LPAR6: variants seen among roughly 807,000 people sequenced by gnomAD.
LPAR6 encodes the protein lysophosphatidic acid receptor 6.
LPAR6 carries 17 observed loss-of-function variants against 22.0 expected under a neutral mutation model. That is an observed-to-expected ratio of 0.77 (90% CI 0.53 to 1.16). LPAR6 has a LOEUF of 1.16. Ranked by LOEUF, LPAR6 falls within the 50% of genes most tolerant of loss-of-function variation. LPAR6 has a pLI of 0.00. For missense variants in LPAR6, 384 were observed against 406.9 expected, an observed-to-expected ratio of 0.94 and a Z score of 0.48; for synonymous variants, 136 against 139.8, an observed-to-expected ratio of 0.97 and a Z score of 0.19.
chr13:48,424,834 C>T (rs1949056805), intron 1 of LPAR6, among the ~76,000 whole-genome samples: 1 of 152,140 alleles, frequency 6.6e-6, no homozygotes, highest in South Asian at 2.1e-4. Context: ...GGGCAGACCT[C>T]TTGAGGTCAG....
chr13:48,400,933 C>A (rs1396275263), intron 1 of LPAR6, among the ~76,000 whole-genome samples: 1 of 152,070 alleles, frequency 6.6e-6, no homozygotes, highest in Admixed American at 6.6e-5. Flanking sequence ...TTTTTCTCTT[C>A]TCTTGAGGCA....
At chr13:48,407,097 C>T (rs997756556), downstream of LPAR6, among the ~76,000 whole-genome samples, 1 of 152,202 alleles carries the variant, frequency 6.6e-6, no homozygotes, top group Non-Finnish European at 1.5e-5. Flanking sequence ...GAACCTAGCA[C>T]ATTTACCCCA....
upstream of LPAR6, among the ~76,000 whole-genome samples, chr13:48,428,791 T>C (rs1004185918): frequency 2.0e-5 from 3 of 152,226 alleles, no homozygotes; most frequent in African/African-American, 7.2e-5. Flanking sequence ...AAGCAGGAAA[T>C]ATCTCTGCTG....
At chr13:48,391,325 G>C (rs1028076209) in intron 1 of LPAR6, 1 of 152,050 alleles carries the variant, frequency 6.6e-6, no homozygotes, top group African/African-American at 2.4e-5. Flanking sequence ...CATAACTTTT[G>C]TTTTAAACCA....
At chr13:48,401,236 A>G (rs1372424075) in intron 1 of LPAR6, 5 of 152,172 alleles carry the variant, frequency 3.3e-5, no homozygotes, top group Admixed American at 3.3e-4. Flanking sequence ...AATTTTATAA[A>G]GAGTCATGAT....
At chr13:48,409,150 CTT>C (rs1282281494), downstream of LPAR6, among the ~76,000 whole-genome samples, 30 of 130,950 alleles carry the variant, frequency 2.3e-4, no homozygotes, top group Non-Finnish European at 3.2e-4. Flanking sequence ...TTTCTTTTCT[CTT>C]TTTTTTTTTT....
chr13:48,438,287 T>C (rs1593517046), intron 1 of LPAR6, among the ~76,000 whole-genome samples: 1 of 152,180 alleles, frequency 6.6e-6, no homozygotes, highest in East Asian at 1.9e-4. Flanking sequence ...TAAGCATTAT[T>C]TTTCTTATCT....
At chr13:48,408,674 T>G (rs1948761244), downstream of LPAR6, 1 of 152,170 alleles carries the variant, frequency 6.6e-6, no homozygotes, top group Non-Finnish European at 1.5e-5. Flanking sequence ...TGGTACACTT[T>G]TTTTCCATAG....
upstream of LPAR6, among the ~76,000 whole-genome samples, chr13:48,415,371 C>G (rs1370995704): frequency 6.6e-6 from 1 of 151,772 alleles, no homozygotes; most frequent in Non-Finnish European, 1.5e-5. Flanking sequence ...CCTCTGCCTC[C>G]CAGGTTCCAG....
At chr13:48,399,172 T>C (rs1445813454) in intron 1 of LPAR6, among the ~76,000 whole-genome samples, 1 of 152,004 alleles carries the variant, frequency 6.6e-6, no homozygotes, top group African/African-American at 2.4e-5. Flanking sequence ...TGAGGTGAAA[T>C]AGACATCTAG....
intron 1 of LPAR6, among the ~76,000 whole-genome samples, chr13:48,441,820 A>G (rs198568): frequency 0.78 from 118,856 of 152,042 alleles, 52,223 homozygotes; most frequent in Non-Finnish European, 0.97. Flanking sequence ...ATTCTGTGGT[A>G]TAGAGATCCT....
At chr13:48,394,879 A>G (rs1437249536) in intron 1 of LPAR6, among the ~76,000 whole-genome samples, 1 of 152,210 alleles carries the variant, frequency 6.6e-6, no homozygotes, top group Admixed American at 6.5e-5. Context: ...ATCTCCCAGC[A>G]CAGTGCTCAA....
At chr13:48,433,334 CACT>C (rs1317991746) in intron 1 of LPAR6, among the ~76,000 whole-genome samples, 1 of 151,572 alleles carries the variant, frequency 6.6e-6, no homozygotes, top group Non-Finnish European at 1.5e-5. Flanking sequence ...TTAAATATAC[CACT>C]AACTCTAAAT....
At chr13:48,407,593 A>G (rs1427461154), downstream of LPAR6, among the ~76,000 whole-genome samples, 1 of 152,226 alleles carries the variant, frequency 6.6e-6, no homozygotes, top group Non-Finnish European at 1.5e-5. Context: ...TCTGGAAAAT[A>G]TTGCTAAATA....
chr13:48,412,620 G>C lies in LPAR6; in HGVS notation c.-197C>G, dbSNP rs755959182. On this transcript the variant is annotated 5_prime_UTR_variant, in exon 1 of 1. Coordinates refer to ENST00000620633, the MANE Select transcript of LPAR6 (RefSeq NM_001162498.3). ...TTTGTTGCTGTAAAATTTCCGCTGG[G>C]TTCTTCAACAGGAAAATATTTTCAT... is the stretch of plus-strand genomic sequence containing the variant. 1.6e-6 allele frequency: 1 copy of C among 606,632 alleles called. No homozygotes were observed. The highest frequency in any genetic ancestry group is 2.8e-5 in the East Asian group (1 of 35,412). 37.6% of individuals were successfully genotyped at this position (606,632 alleles called of 1,614,324 possible).
chr13:48,421,782 G>A (rs558868520), intron 2 of LPAR6, among the ~76,000 whole-genome samples: 10 of 152,270 alleles, frequency 6.6e-5, no homozygotes, highest in African/African-American at 9.6e-5. Flanking sequence ...CATCATCAGC[G>A]GTCATTAATG....
In LPAR6 at chr13:48,411,842, A is replaced by G. The variant is rs760372898; in HGVS notation, c.582T>C (p.Phe194=). ...AAGTTACATTTAAAATTAGAGGAAT[A>G]AAAAATCCCACTATTTCGATGAAAA... The part of the protein sequence containing the change: ...IVIFIEIVGF[F]IPLILNVTCS... Residue 194 remains phenylalanine, a synonymous_variant, in exon 1 of 1, where the codon TTT becomes TTC. Transcript: ENST00000620633. The G allele has an allele frequency of 5.6e-6, 9 of 1,612,988 alleles. No homozygotes were observed. In the Admixed American group the frequency reaches 1.3e-4, roughly 24 times the overall value.
At chr13:48,428,885 C>T (rs911824250), upstream of LPAR6, among the ~76,000 whole-genome samples, 2 of 152,280 alleles carry the variant, frequency 1.3e-5, no homozygotes. Context: ...AATCCAAGTA[C>T]TCTTCAGTTA....
chr13:48,396,098 T>C (rs1339293291), intron 1 of LPAR6, among the ~76,000 whole-genome samples: 9 of 152,218 alleles, frequency 5.9e-5, no homozygotes, highest in Middle Eastern at 3.4e-3. Context: ...TTCAATGCTA[T>C]CCCCATCAAG....
Sources: gnomAD v4.1 joint callset for allele counts (sites outside exome capture counted in the v4.1 genomes callset) on GRCh38, gnomAD v4.1.1 for gene constraint, MANE v1.5 for transcripts, NCBI Gene and HGNC (gene_info 2026-07-23, HGNC 2026-07-21) for gene names.